The following SEC62 variants were observed in gnomAD, a reference collection of about 807,000 sequenced individuals.
The protein encoded by SEC62 is translocation protein SEC62.
Under a neutral mutation model 47.5 loss-of-function variants are expected in SEC62, and 10 were observed. The ratio of observed to expected loss-of-function variants is 0.21; its 90% confidence interval spans 0.13 to 0.36. The LOEUF (loss-of-function observed/expected upper bound fraction) is 0.36, where lower values mean the gene tolerates loss of function less well. Among genes scored for constraint, SEC62 ranks in the 10% least tolerant of loss-of-function variants. SEC62 has a pLI of 1.00. For missense variants in SEC62, 327 were observed against 464.1 expected (o/e 0.70, Z 2.71); for synonymous variants, 136 against 150.5 (o/e 0.90, Z 0.71).
chr3:169,985,121 C>G (rs1452145156), intron 5 of SEC62: 1 of 151,740 alleles, frequency 6.6e-6, no homozygotes, highest in African/African-American at 2.4e-5. Context: ...TGTAATAGGG[C>G]CTGGCTGGAA....
intron 2 of SEC62, 44 bp from the exon 3 acceptor site, chr3:169,976,902 A>AT (rs1186271234): frequency 7.5e-7 from 1 of 1,333,842 alleles, no homozygotes; most frequent in Non-Finnish European, 1.1e-6. Context: ...ATAGACATAA[A>AT]TCCCCATGTA....
intron 1 of SEC62, among the ~76,000 whole-genome samples, chr3:169,974,716 A>C (rs917013811): frequency 6.6e-6 from 1 of 152,236 alleles, no homozygotes; most frequent in Non-Finnish European, 1.5e-5. Flanking sequence ...AGACAGTCCC[A>C]GGAGTGTCTG....
At chr3:169,989,435 G>C (rs796722524) in intron 7 of SEC62, among the ~76,000 whole-genome samples, 1 of 148,350 alleles carries the variant, frequency 6.7e-6, no homozygotes, top group African/African-American at 2.5e-5. Context: ...TGCTGGTTTT[G>C]CATGGAACAC....
At chr3:169,969,256 G>T (rs565750341) in intron 1 of SEC62, 21 of 452,266 alleles carry the variant, frequency 4.6e-5, no homozygotes, top group South Asian at 3.1e-4. Context: ...AAAAAAAAAA[G>T]TAGCTAATTT....
At chr3:169,973,616 T>C (rs919938410) in intron 1 of SEC62, among the ~76,000 whole-genome samples, 6 of 148,542 alleles carry the variant, frequency 4.0e-5, no homozygotes, top group Non-Finnish European at 8.9e-5. Context: ...TGAGATGAGA[T>C]AGCACCATTG....
At chr3:169,985,947 C>A in intron 6 of SEC62, 82 bp downstream of exon 6, 5 of 924,620 alleles carry the variant, frequency 5.4e-6, no homozygotes, top group South Asian at 4.9e-5. Context: ...AGAAAATGTT[C>A]CTAAATTTAA....
At position 169,997,968 on chromosome 3, in the gene SEC62, A is replaced by T. The variant is rs945663626; in HGVS notation, c.*4905A>T. 6.6e-6 allele frequency: 1 copy of T among 152,236 alleles called. No homozygotes were observed. Among genetic ancestry groups the T allele is most frequent in the South Asian group, 2.1e-4 (1 of 4,832 alleles). 9.4% of individuals were successfully genotyped at this position (152,236 alleles called of 1,614,324 possible). On this transcript the variant is annotated 3_prime_UTR_variant, in exon 8 of 8. Coordinates refer to ENST00000337002, the MANE Select transcript of SEC62 (RefSeq NM_003262.4). ...ATATTAGATATCTGCAACAACTGTG[A>T]TGTAACATGAAAATACCTGATTTCT...
chr3:169,987,505 T>C (rs1715137621), intron 6 of SEC62, among the ~76,000 whole-genome samples: 1 of 152,148 alleles, frequency 6.6e-6, no homozygotes, highest in African/African-American at 2.4e-5. Flanking sequence ...CATTTCATCC[T>C]CACAACAACC....
rs1172287248 is a variant in SEC62, at chr3:169,996,852, T to TA, written c.*3790dup. On this transcript the variant is annotated 3_prime_UTR_variant, in exon 8 of 8. Coordinates refer to ENST00000337002, the MANE Select transcript of SEC62 (RefSeq NM_003262.4). ...GCTTCCTCTTTGGGTAGCCTATACC[T>TA]ATACTTATCTCCTCATAATATCTTC... 1 of 152,200 alleles carries TA rather than the reference T, an allele frequency of 6.6e-6. No individual in the cohort carries two copies. The highest frequency in any genetic ancestry group is 2.4e-5 in the African/African-American group (1 of 41,452). The allele number at this position is 152,200 out of a possible 1,614,324, so 9.4% of individuals were successfully genotyped here. A position where few individuals can be genotyped will look rare whatever the true frequency, so the allele number is the denominator to read the frequency against.
intron 1 of SEC62, among the ~76,000 whole-genome samples, chr3:169,971,858 G>A (rs1334192502): frequency 6.6e-6 from 1 of 152,228 alleles, no homozygotes; most frequent in Middle Eastern, 3.4e-3. Flanking sequence ...GAGTATATTT[G>A]TATCATGCCT....
At chr3:169,973,814 G>A (rs1714764476) in intron 1 of SEC62, among the ~76,000 whole-genome samples, 1 of 152,192 alleles carries the variant, frequency 6.6e-6, no homozygotes, top group East Asian at 1.9e-4. Flanking sequence ...ACAGCTGGTA[G>A]TTGCAGACTG....
At chr3:169,979,196 T>C (rs1714914128) in intron 3 of SEC62, among the ~76,000 whole-genome samples, 1 of 152,230 alleles carries the variant, frequency 6.6e-6, no homozygotes, top group South Asian at 2.1e-4. Flanking sequence ...GAGAATAGCA[T>C]AACTTTAAGG....
chr3:169,967,031 G>C (rs1374703720), intron 1 of SEC62, among the ~76,000 whole-genome samples, 173 bp downstream of exon 1: 2 of 152,224 alleles, frequency 1.3e-5, no homozygotes, highest in African/African-American at 4.8e-5. Flanking sequence ...CCTGAGGGGG[G>C]GCGGTGTTGG....
rs1319550141 is a variant in SEC62 at position 169,992,731 on chromosome 3, A to G, written c.868A>G (p.Lys290Glu). The G allele has an allele frequency of 6.2e-7, 1 of 1,614,190 alleles. No homozygotes were observed. The highest frequency in any genetic ancestry group is 2.2e-5 in the East Asian group (1 of 44,878). ...GTACACACATGAATACAAAGGACCA[A>G]AAGCAGACTTAAAGAAAGATGAGAA... ...PLYTHEYKGP[K>E]ADLKKDEKSE... The change falls in exon 8 of 8, where the codon AAA (lysine) becomes GAA (glutamate). Residue 290 changes from lysine to glutamate, a missense_variant. By Grantham distance (56) the Lys-to-Glu change is moderately conservative. Coordinates refer to ENST00000337002, the MANE Select transcript of SEC62 (RefSeq NM_003262.4). This position sits in a 1 kb window ranked among gnomAD's most constrained non-coding sequence, Gnocchi z 4.0.
chr3:169,969,672 G>T (rs1313232924), intron 1 of SEC62, among the ~76,000 whole-genome samples: 2 of 152,130 alleles, frequency 1.3e-5, no homozygotes, highest in Admixed American at 1.3e-4. Context: ...ACCAGATTTA[G>T]ACCAGGTCTT....
Position 169,993,007 on chromosome 3 carries a change from G to A in SEC62, c.1144G>A (p.Asp382Asn). Reference sequence around the variant, plus strand: ...GCAAACAGATGGGGATTGTGAAGAGGATGAGGAAGAGGAAAATGATGGAGA... The same window carrying A: ...GCAAACAGATGGGGATTGTGAAGAGAATGAGGAAGAGGAAAATGATGGAGA... Reference protein sequence around the residue: ...EQQTDGDCEEDEEEENDGETP... With the variant: ...EQQTDGDCEENEEEENDGETP... The change falls in exon 8 of 8, where the codon GAT (aspartate) becomes AAT (asparagine). Residue 382 changes from aspartate (D) to asparagine (N), a missense_variant. Around this residue, in one of 3 missense-constraint regions of SEC62, gnomAD observed 102 missense variants for 108.8 expected, o/e 0.94. Coordinates refer to ENST00000337002, the MANE Select transcript of SEC62 (RefSeq NM_003262.4). 1.2e-6 allele frequency: 2 copies of A among 1,612,172 alleles called. No homozygotes were observed. Among genetic ancestry groups the A allele is most frequent in the Non-Finnish European group, 8.5e-7 (1 of 1,179,358 alleles).
intron 3 of SEC62, 106 bp downstream of exon 3, chr3:169,977,157 A>T: frequency 1.6e-6 from 1 of 637,154 alleles, no homozygotes; most frequent in Non-Finnish European, 2.6e-6. Context: ...ACATAACTCA[A>T]ATACTGTTTT....
At chr3:169,982,975 C>G in intron 4 of SEC62, 64 bp downstream of exon 4, 1 of 1,536,386 alleles carries the variant, frequency 6.5e-7, no homozygotes, top group Non-Finnish European at 8.7e-7. Context: ...CACTACTGGC[C>G]TATGAGCACA....
chr3:169,982,967 C>T lies in SEC62; in HGVS notation c.456+56C>T. 10 of 1,541,050 alleles carry T rather than the reference C, an allele frequency of 6.5e-6. 1 individual carries two copies. The South Asian group carries it at 9.2e-5, about 14-fold the overall frequency. ...AAAAATCATTATGTGCACATGAACA[C>T]TACTGGCCTATGAGCACATTTAAGT... On this transcript the variant is annotated intron_variant, in intron 4 of 7. Coordinates refer to ENST00000337002, the MANE Select transcript of SEC62 (RefSeq NM_003262.4).
Sources: allele counts gnomAD v4.1 joint callset (sites outside exome capture counted in the v4.1 genomes callset), GRCh38; gene constraint gnomAD v4.1.1; regional missense constraint gnomAD v4.1.1; non-coding constraint Gnocchi (gnomAD v3.1); transcripts MANE v1.5; gene names NCBI Gene and HGNC (gene_info 2026-07-23, HGNC 2026-07-21).